The following RB1CC1 variants were observed in gnomAD, a reference collection of about 807,000 sequenced individuals.
The protein encoded by RB1CC1 is RB1 inducible coiled-coil 1.
Under a neutral mutation model 177.5 loss-of-function variants are expected in RB1CC1, and 46 were observed. The observed-to-expected ratio is 0.26, with a 90% CI of 0.20 to 0.33. The LOEUF (loss-of-function observed/expected upper bound fraction) is 0.33. Among genes scored for constraint, RB1CC1 ranks in the 10% least tolerant of loss-of-function variants. RB1CC1 has a pLI of 1.00. For missense variants in RB1CC1, 1,703 were observed against 1,816.3 expected (o/e 0.94, Z 1.13); for synonymous variants, 666 against 613.6 (o/e 1.09, Z -1.26).
At chr8:52,669,562 C>A (rs1278108306) in intron 7 of RB1CC1, among the ~76,000 whole-genome samples, 1 of 152,132 alleles carries the variant, frequency 6.6e-6, no homozygotes, top group Non-Finnish European at 1.5e-5. Context: ...TCTAACACTA[C>A]CGAAAAAATT....
rs541195420 is a variant in RB1CC1, at chr8:52,712,278, T to C, written c.-167+1797A>G. Reference sequence around the variant, plus strand: ...AAAAGATATTCATAAGACATACACATCTGCAAAGTAAAGCATGTAGGTGCT... The same window carrying C: ...AAAAGATATTCATAAGACATACACACCTGCAAAGTAAAGCATGTAGGTGCT... On this transcript the variant is annotated intron_variant, in intron 1 of 23. Coordinates refer to ENST00000025008, the MANE Select transcript of RB1CC1 (RefSeq NM_014781.5). 4.5e-4 allele frequency among the ~76,000 whole-genome samples: 69 copies of C among 152,314 alleles called. No homozygotes were observed. The Middle Eastern group carries it at 0.02, about 45-fold the overall frequency.
intron 21 of RB1CC1, 79 bp from the exon 22 acceptor site, chr8:52,628,247 A>T: frequency 7.7e-7 from 1 of 1,290,868 alleles, no homozygotes; most frequent in South Asian, 1.3e-5. Context: ...TATATACTTA[A>T]TGCTCAACTA....
Position 52,657,698 on chromosome 8 carries a change from C to G in RB1CC1, c.2131G>C (p.Glu711Gln). 6.2e-7 allele frequency: 1 copy of G among 1,614,088 alleles called. No homozygotes were observed. The highest frequency in any genetic ancestry group is 1.1e-5 in the South Asian group (1 of 91,070). Residue 711 changes from glutamate (E) to glutamine (Q), a missense_variant, in exon 15 of 24, where the codon GAA (glutamate) becomes CAA (glutamine). Glu to Gln is a conservative substitution (Grantham distance 29). Around this residue, in one of 6 missense-constraint regions of RB1CC1, gnomAD observed 1,169 missense variants for 1,184.7 expected, o/e 0.99. Transcript: ENST00000025008. ...DFETIPHPNIEQTIHQVSLDL... is the reference protein window; with the variant it reads ...DFETIPHPNIQQTIHQVSLDL... ...AAAGAAACTTGGTGAATAGTCTGTT[C>G]TATGTTTGGATGGGGAATAGTTTCA... is the stretch of plus-strand genomic sequence containing the variant.
At chr8:52,702,603 C>T (rs1242678150) in intron 1 of RB1CC1, among the ~76,000 whole-genome samples, 1 of 152,086 alleles carries the variant, frequency 6.6e-6, no homozygotes, top group Non-Finnish European at 1.5e-5. Context: ...GTAATCCCAG[C>T]TACTCAGGAG....
At chr8:52,701,327 G>A (rs755223031) in intron 1 of RB1CC1, among the ~76,000 whole-genome samples, 1 of 152,152 alleles carries the variant, frequency 6.6e-6, no homozygotes, top group South Asian at 2.1e-4. Context: ...GTTTCAGCAC[G>A]TTGGCCAGGC....
rs775712375 is a variant in RB1CC1 at position 52,661,528 on chromosome 8, C to T, written c.1358+7G>A. On this transcript the variant is annotated splice_region_variant and intron_variant, in intron 9 of 23. Coordinates refer to ENST00000025008, the MANE Select transcript of RB1CC1 (RefSeq NM_014781.5). ...CATCTTAAAACAGATATAAATGAATCACTTACTTCAGTCTGACATGTAGGT... is the reference window on the plus strand; with the variant it reads ...CATCTTAAAACAGATATAAATGAATTACTTACTTCAGTCTGACATGTAGGT... 15 of 1,576,794 alleles carry T rather than the reference C, an allele frequency of 9.5e-6. 1 individual carries two copies. In the South Asian group the frequency reaches 1.4e-4, roughly 15 times the overall value.
rs1852874186 is a variant in RB1CC1, at chr8:52,674,249, C to T, written c.598G>A (p.Ala200Thr). The T allele has an allele frequency of 6.2e-7, 1 of 1,609,312 alleles. No individual in the cohort carries two copies. The highest frequency in any genetic ancestry group is 2.2e-5 in the East Asian group (1 of 44,834). The change falls in exon 7 of 24, where the codon GCC becomes ACC. Residue 200 changes from alanine to threonine, a missense_variant. By Grantham distance (58) the Ala-to-Thr change is moderately conservative. Coordinates refer to ENST00000025008, the MANE Select transcript of RB1CC1 (RefSeq NM_014781.5). ...AGGCACTCCAACAGTGGAATCTTGGCCATTACTGAAACTGCAGTTCCTAAA... is the reference window on the plus strand; with the variant it reads ...AGGCACTCCAACAGTGGAATCTTGGTCATTACTGAAACTGCAGTTCCTAAA... Reference protein sequence around the residue: ...THLGTAVSVMAKIPLLECLTR... With the variant: ...THLGTAVSVMTKIPLLECLTR...
intron 1 of RB1CC1, among the ~76,000 whole-genome samples, chr8:52,701,805 AT>A (rs1363421006): frequency 6.6e-6 from 1 of 151,032 alleles, no homozygotes; most frequent in Admixed American, 6.6e-5. Context: ...AAAAAAAAAA[AT>A]CACTTTTTTT....
At chr8:52,666,079 A>T (rs1304093556) in intron 8 of RB1CC1, among the ~76,000 whole-genome samples, 1 of 152,210 alleles carries the variant, frequency 6.6e-6, no homozygotes, top group Non-Finnish European at 1.5e-5. Flanking sequence ...TACGATGGTA[A>T]CTGCCCAAAG....
chr8:52,665,614 A>T (rs1409801721), intron 8 of RB1CC1, among the ~76,000 whole-genome samples: 1 of 152,232 alleles, frequency 6.6e-6, no homozygotes, highest in Non-Finnish European at 1.5e-5. Flanking sequence ...TTAAAAAACA[A>T]CTACACTGCA....
intron 8 of RB1CC1, among the ~76,000 whole-genome samples, chr8:52,662,353 C>T (rs1034449890): frequency 3.3e-5 from 5 of 151,880 alleles, no homozygotes; most frequent in East Asian, 1.9e-4. Context: ...TGTAGGTGAA[C>T]GGTGTATCTG....
chr8:52,694,922 A>T (rs986562928), intron 1 of RB1CC1, among the ~76,000 whole-genome samples: 1 of 152,230 alleles, frequency 6.6e-6, no homozygotes, highest in Admixed American at 6.5e-5. Context: ...AGATGTGATT[A>T]CTGGTGAAAA....
Position 52,645,439 on chromosome 8 carries a change from TCTAAGA to T in RB1CC1, c.3987+257_3987+262del, listed in dbSNP as rs1347704204. Reference sequence around the variant, plus strand: ...AGAATTTACATTCCCTCGCTTCTAATCTAAGACTATCTCATTTTGAAGCACCTGGTA... The same window carrying T: ...AGAATTTACATTCCCTCGCTTCTAATCTATCTCATTTTGAAGCACCTGGTA... On this transcript the variant is annotated intron_variant, in intron 16 of 23. Transcript: ENST00000025008. 2.0e-5 allele frequency among the ~76,000 whole-genome samples: 3 copies of T among 152,328 alleles called. No homozygotes were observed. In the East Asian group the frequency reaches 5.8e-4, roughly 29 times the overall value.
intron 13 of RB1CC1, 78 bp downstream of exon 13, chr8:52,658,795 G>T: frequency 2.1e-6 from 2 of 952,506 alleles, no homozygotes; most frequent in Non-Finnish European, 1.5e-6. Context: ...TAAGATTACT[G>T]GTACTACCTG....
chr8:52,635,641 A>C (rs1287871012), intron 19 of RB1CC1, among the ~76,000 whole-genome samples: 3 of 152,162 alleles, frequency 2.0e-5, no homozygotes, highest in African/African-American at 4.8e-5. Flanking sequence ...ATTTCTAAAA[A>C]GTATTTAATA....
intron 1 of RB1CC1, among the ~76,000 whole-genome samples, chr8:52,700,152 G>A (rs1363763345): frequency 6.6e-6 from 1 of 151,676 alleles, no homozygotes; most frequent in Non-Finnish European, 1.5e-5. Flanking sequence ...TTCTCATATT[G>A]ATGGGAAGAG....
chr8:52,658,944 A>C lies in RB1CC1; in HGVS notation c.1722T>G (p.Leu574=). Residue 574 remains leucine, a synonymous_variant, in exon 13 of 24, where the codon CTT becomes CTG. Coordinates refer to ENST00000025008, the MANE Select transcript of RB1CC1 (RefSeq NM_014781.5). ...GTAAATCTTTTAATGAAATATCTGG[A>C]AGTTCACAGTCAAACTTTCGAGGCT... ...TQKPRKFDCE[L]PDISLKDLQF... 2.5e-6 allele frequency: 4 copies of C among 1,576,788 alleles called. No homozygotes were observed.
rs956513877 is a variant in RB1CC1, at chr8:52,645,631, A to G, written c.3987+71T>C. 8 of 1,473,490 alleles carry G rather than the reference A, an allele frequency of 5.4e-6. No homozygotes were observed. In the African/African-American group the frequency reaches 1.0e-4, roughly 18 times the overall value. 91.3% of individuals were successfully genotyped at this position (1,473,490 alleles called of 1,614,324 possible). A position where few individuals can be genotyped will look rare whatever the true frequency, so the allele number is the denominator to read the frequency against. On this transcript the variant is annotated intron_variant, in intron 16 of 23. Coordinates refer to ENST00000025008, the MANE Select transcript of RB1CC1 (RefSeq NM_014781.5). ...GATATAAGAAACCCTCAGCTACATA[A>G]AGAAATTATATTTGTTAATTTATGT...
At position 52,662,301 on chromosome 8, in the gene RB1CC1, C is replaced by T. The variant is rs2150506047; in HGVS notation, c.1174-582G>A. On this transcript the variant is annotated intron_variant, in intron 8 of 23. Transcript: ENST00000025008. ...TATACTTTATTATTTGGTAGAAAAACATTTTTTCTGTTTTTCTTAACTGTC... is the reference window on the plus strand; with the variant it reads ...TATACTTTATTATTTGGTAGAAAAATATTTTTTCTGTTTTTCTTAACTGTC... Among the ~76,000 whole-genome samples, 3 of 152,064 alleles carry T rather than the reference C, an allele frequency of 2.0e-5. No homozygotes were observed. The East Asian group carries it at 5.8e-4, about 29-fold the overall frequency.
Sources: allele counts gnomAD v4.1 joint callset (sites outside exome capture counted in the v4.1 genomes callset), GRCh38; gene constraint gnomAD v4.1.1; regional missense constraint gnomAD v4.1.1; transcripts MANE v1.5; gene names NCBI Gene and HGNC (gene_info 2026-07-23, HGNC 2026-07-21).